The following CHST15 variants were observed in gnomAD, a reference collection of about 807,000 sequenced individuals.
CHST15 encodes the protein carbohydrate sulfotransferase 15.
A neutral mutation model predicts 53.6 loss-of-function variants in CHST15; 30 were observed. The ratio of observed to expected loss-of-function variants is 0.56; its 90% confidence interval spans 0.42 to 0.76. The LOEUF (loss-of-function observed/expected upper bound fraction) is 0.76, where lower values mean the gene tolerates loss of function less well. CHST15 is among the 30% of genes least tolerant of loss of function. The probability of loss-of-function intolerance (pLI) is 0.00; values close to 1 mark genes in which losing one functional copy is unlikely to be tolerated. For missense variants in CHST15, 627 were observed against 740.5 expected, an observed-to-expected ratio of 0.85 and a Z score of 1.78; for synonymous variants, 296 against 289.8, an observed-to-expected ratio of 1.02 and a Z score of -0.22.
chr10:124,007,823 G>A lies in CHST15; in HGVS notation c.*2326C>T. 1 of 1,232,032 alleles carries A rather than the reference G, an allele frequency of 8.1e-7. No individual in the cohort carries two copies. Among genetic ancestry groups the A allele is most frequent in the Non-Finnish European group, 1.0e-6 (1 of 987,928 alleles). 76.3% of individuals were successfully genotyped at this position (1,232,032 alleles called of 1,614,324 possible). On this transcript the variant is annotated 3_prime_UTR_variant, in exon 8 of 8. Transcript: ENST00000435907. The stretch of plus-strand genomic sequence containing the variant: ...ACAATTTAACACGGTCACAACTTTT[G>A]AGAACAAAAAGGAACTTCAATACCA...
intron 2 of CHST15, among the ~76,000 whole-genome samples, chr10:124,045,129 A>C (rs1200035559): frequency 2.7e-5 from 4 of 148,184 alleles, no homozygotes; most frequent in East Asian, 1.9e-4. Flanking sequence ...AAAAAAAAAA[A>C]AAAAAAAAAA....
intron 7 of CHST15, 123 bp downstream of exon 7, chr10:124,012,210 C>T (rs1946435531): frequency 2.7e-6 from 3 of 1,109,722 alleles, no homozygotes; most frequent in South Asian, 3.2e-5. Context: ...AGGACATCCC[C>T]AGGCCTCCCA....
intron 6 of CHST15, among the ~76,000 whole-genome samples, chr10:124,015,790 C>G (rs972941685): frequency 6.6e-6 from 1 of 152,228 alleles, no homozygotes; most frequent in Non-Finnish European, 1.5e-5. Flanking sequence ...GGTAAAGAAA[C>G]AGACTTCCGC....
At chr10:124,012,001 A>C (rs6588759) in intron 7 of CHST15, among the ~76,000 whole-genome samples, 1 of 151,846 alleles carries the variant, frequency 6.6e-6, no homozygotes, top group African/African-American at 2.4e-5. Context: ...CATACCTTAC[A>C]TGACAGTGCT....
rs775587426 is a variant in CHST15 at position 124,045,979 on chromosome 10, C to G, written c.234G>C (p.Lys78Asn). 1.2e-6 allele frequency: 2 copies of G among 1,614,156 alleles called. No individual in the cohort carries two copies. Among genetic ancestry groups the G allele is most frequent in the Non-Finnish European group, 1.7e-6 (2 of 1,180,036 alleles). ...WGGFLRFKKG[K>N]RCSLVFGLII... is the part of the protein sequence containing the mutation. Reference sequence around the variant, plus strand: ...TCAGTCCAAAAACGAGGCTACATCGCTTCCCCTTTTTGAAGCGCAAAAACC... The same window carrying G: ...TCAGTCCAAAAACGAGGCTACATCGGTTCCCCTTTTTGAAGCGCAAAAACC... Residue 78 changes from lysine to asparagine, a missense_variant, in exon 2 of 8, where the codon AAG (lysine) becomes AAC (asparagine). This residue lies in a region of CHST15 where 187 missense variants were observed against 251.8 expected (regional missense o/e 0.74). Transcript: ENST00000435907.
At chr10:124,085,028 T>C (rs1377951515) in intron 1 of CHST15, among the ~76,000 whole-genome samples, 2 of 152,206 alleles carry the variant, frequency 1.3e-5, no homozygotes, top group African/African-American at 4.8e-5. Flanking sequence ...GTTCCTTCCA[T>C]GCACAAAGCA....
intron 1 of CHST15, among the ~76,000 whole-genome samples, chr10:124,055,774 C>G (rs891559115): frequency 3.3e-5 from 5 of 152,204 alleles, no homozygotes; most frequent in Non-Finnish European, 5.9e-5. Flanking sequence ...GCCAACTTTC[C>G]AGAAACGCAC....
rs1947513135 is a variant in CHST15 at position 124,036,754 on chromosome 10, A to C, written c.1190+1761T>G. ...TAGTAGTTATCTAGGTGAGAAATTAATAGTTTGAAAACAGTTTTCCAATAT... is the reference window on the plus strand; with the variant it reads ...TAGTAGTTATCTAGGTGAGAAATTACTAGTTTGAAAACAGTTTTCCAATAT... On this transcript the variant is annotated intron_variant, in intron 5 of 7. Coordinates refer to ENST00000435907, the MANE Select transcript of CHST15 (RefSeq NM_001270764.2). This position sits in a 1 kb window ranked among gnomAD's most constrained non-coding sequence, Gnocchi z 5.1. Among the ~76,000 whole-genome samples, 1 of 152,246 alleles carries C rather than the reference A, an allele frequency of 6.6e-6. No individual in the cohort carries two copies. The highest frequency in any genetic ancestry group is 2.1e-4 in the South Asian group (1 of 4,834).
chr10:124,056,715 G>A lies in CHST15; in HGVS notation c.-512-9991C>T, dbSNP rs554089518. Among the ~76,000 whole-genome samples, 70 of 152,376 alleles carry A rather than the reference G, an allele frequency of 4.6e-4. 1 individual carries two copies. Among genetic ancestry groups the A allele is most frequent in the African/African-American group, 1.7e-3 (69 of 41,592 alleles). On this transcript the variant is annotated intron_variant, in intron 1 of 7. Coordinates refer to ENST00000435907, the MANE Select transcript of CHST15 (RefSeq NM_001270764.2). Reference sequence around the variant, plus strand: ...AGCCCCCAACTCCTATTTTGTCCCCGCACATCAAAGAAGCCTGGGCTGTGT... The same window carrying A: ...AGCCCCCAACTCCTATTTTGTCCCCACACATCAAAGAAGCCTGGGCTGTGT...
Position 124,048,521 on chromosome 10 carries a change from A to G in CHST15, c.-512-1797T>C, listed in dbSNP as rs527294822. Among the ~76,000 whole-genome samples, 155 of 152,340 alleles carry G rather than the reference A, an allele frequency of 1.0e-3. 1 individual carries two copies. The highest frequency in any genetic ancestry group is 2.5e-4 in the Non-Finnish European group (17 of 68,028). ...CTGGAGGGACATGTCAGAAACCTCA[A>G]GGATCAACCTCTGCTTCAAACTTGC... On this transcript the variant is annotated intron_variant, in intron 1 of 7. Coordinates refer to ENST00000435907, the MANE Select transcript of CHST15 (RefSeq NM_001270764.2).
chr10:124,021,455 G>A (rs1301688313), intron 5 of CHST15, 43 bp from the exon 6 acceptor site: 3 of 1,571,812 alleles, frequency 1.9e-6, no homozygotes, highest in Admixed American at 3.5e-5. Flanking sequence ...CCATGAACAT[G>A]CAATCACACC....
At chr10:124,039,774 T>A (rs1947667352) in intron 4 of CHST15, among the ~76,000 whole-genome samples, 1 of 152,156 alleles carries the variant, frequency 6.6e-6, no homozygotes, top group African/African-American at 2.4e-5. Context: ...TGCGTGTATG[T>A]GTGTGTGTAT....
intron 1 of CHST15, among the ~76,000 whole-genome samples, chr10:124,089,668 A>G (rs75280997): frequency 0.013 from 2,027 of 151,978 alleles, 48 homozygotes; most frequent in African/African-American, 0.047. Flanking sequence ...CAATGTCCAC[A>G]CCTGAAAAGG....
intron 7 of CHST15, chr10:124,011,130 C>T (rs2133814927): frequency 6.3e-6 from 6 of 956,964 alleles, no homozygotes; most frequent in East Asian, 1.2e-4. Context: ...TGAAACAGAA[C>T]AGCAAGGGCT....
intron 1 of CHST15, among the ~76,000 whole-genome samples, chr10:124,072,667 G>C (rs1273512480): frequency 6.6e-6 from 1 of 152,202 alleles, no homozygotes; most frequent in Non-Finnish European, 1.5e-5. Flanking sequence ...GAGCCTGGAG[G>C]CTTTGCTTCA....
Position 124,069,114 on chromosome 10 carries a change from C to T in CHST15, c.-512-22390G>A, listed in dbSNP as rs73370256. On this transcript the variant is annotated intron_variant, in intron 1 of 7. Coordinates refer to ENST00000435907, the MANE Select transcript of CHST15 (RefSeq NM_001270764.2). ...CCCTTGTCTCTGCACAGACATCCAT[C>T]GGCTTAGCATCCCTCCCCAGAGGCC... is the stretch of plus-strand genomic sequence containing the variant. Among the ~76,000 whole-genome samples, 1,096 of 152,336 alleles carry T rather than the reference C, an allele frequency of 7.2e-3. 12 individuals are homozygous for T. The highest frequency in any genetic ancestry group is 0.025 in the African/African-American group (1,048 of 41,572).
At chr10:124,045,135 A>C (rs866044170) in intron 2 of CHST15, among the ~76,000 whole-genome samples, 1 of 148,368 alleles carries the variant, frequency 6.7e-6, no homozygotes, top group Admixed American at 6.8e-5. Context: ...AAAAAAAAAA[A>C]AAAAAAAAAC....
chr10:124,049,178 T>A (rs929292505), intron 1 of CHST15, among the ~76,000 whole-genome samples: 2 of 152,208 alleles, frequency 1.3e-5, no homozygotes, highest in Non-Finnish European at 2.9e-5. Flanking sequence ...GTTGCGCATG[T>A]CCAGGTAGGG....
intron 4 of CHST15, among the ~76,000 whole-genome samples, chr10:124,039,900 C>G (rs1378478496): frequency 6.6e-6 from 1 of 152,192 alleles, no homozygotes; most frequent in Non-Finnish European, 1.5e-5. Context: ...AGAGACTGAG[C>G]CAGATGACTG....
Sources: allele counts gnomAD v4.1 joint callset (sites outside exome capture counted in the v4.1 genomes callset), GRCh38; gene constraint gnomAD v4.1.1; regional missense constraint gnomAD v4.1.1; non-coding constraint Gnocchi (gnomAD v3.1); transcripts MANE v1.5; gene names NCBI Gene and HGNC (gene_info 2026-07-23, HGNC 2026-07-21).